Variants in CYTH3 observed in about 807,000 individuals in gnomAD.
The protein encoded by CYTH3 is cytohesin 3, also known as cytohesin-3.
A neutral mutation model predicts 55.1 loss-of-function variants in CYTH3; 23 were observed. That is an observed-to-expected ratio of 0.42 (90% confidence interval 0.30 to 0.59). The LOEUF is 0.59. Ranked by LOEUF, CYTH3 falls within the 20% of genes least tolerant of loss-of-function variation. The pLI is 0.20. For missense variants in CYTH3, 413 were observed against 524.8 expected (o/e 0.79, Z 2.08); for synonymous variants, 249 against 194.9 (o/e 1.28, Z -2.31).
chr7:6,189,434 G>A (rs1266849913), intron 2 of CYTH3, among the ~76,000 whole-genome samples: 3 of 151,990 alleles, frequency 2.0e-5, no homozygotes, highest in East Asian at 1.9e-4. Context: ...TCAGCCTCCC[G>A]AGTATCTGGG....
intron 4 of CYTH3, among the ~76,000 whole-genome samples, chr7:6,179,263 G>A (rs1057405206): frequency 6.6e-6 from 1 of 152,088 alleles, no homozygotes; most frequent in Non-Finnish European, 1.5e-5. Flanking sequence ...AAGACGACAC[G>A]GAAGAGTATT....
intron 1 of CYTH3, among the ~76,000 whole-genome samples, chr7:6,203,028 CA>C (rs1407020350): frequency 6.6e-6 from 1 of 151,730 alleles, no homozygotes; most frequent in East Asian, 1.9e-4. Flanking sequence ...AAAAAATAGG[CA>C]AAAAAACTTT....
intron 4 of CYTH3, among the ~76,000 whole-genome samples, chr7:6,180,439 C>T (rs556936333): frequency 1.3e-5 from 2 of 152,182 alleles, no homozygotes; most frequent in Non-Finnish European, 2.9e-5. Flanking sequence ...GAGAAGGCCA[C>T]AAGACAATGG....
At chr7:6,231,360 G>C (rs1002315789) in intron 1 of CYTH3, among the ~76,000 whole-genome samples, 17 of 152,228 alleles carry the variant, frequency 1.1e-4, no homozygotes, top group African/African-American at 3.9e-4. Context: ...AAAGGAAACA[G>C]AGTGAGCACG....
At chr7:6,203,464 C>A (rs1025801546) in intron 1 of CYTH3, among the ~76,000 whole-genome samples, 3 of 152,062 alleles carry the variant, frequency 2.0e-5, no homozygotes, top group Non-Finnish European at 4.4e-5. Context: ...TAGTCATTGC[C>A]ACAGATTATT....
chr7:6,222,121 T>C (rs1197949289), intron 1 of CYTH3, among the ~76,000 whole-genome samples: 1 of 151,618 alleles, frequency 6.6e-6, no homozygotes, highest in Admixed American at 6.6e-5. Flanking sequence ...CAGAGCAGAG[T>C]ATGTGGCAAA....
intron 5 of CYTH3, among the ~76,000 whole-genome samples, chr7:6,174,957 G>C (rs1020041674): frequency 7.9e-5 from 12 of 152,108 alleles, no homozygotes; most frequent in Non-Finnish European, 1.2e-4. Context: ...GTTTATAACT[G>C]AGTAATTTTT....
At position 6,240,103 on chromosome 7, in the gene CYTH3, C is replaced by T. The variant is rs182548019; in HGVS notation, c.34+32371G>A. ...GGTGGATCGCGTGAGGTCAGGAGTTCGAGACCAGCCTGGCCAACACAGTGA... is the reference window on the plus strand; with the variant it reads ...GGTGGATCGCGTGAGGTCAGGAGTTTGAGACCAGCCTGGCCAACACAGTGA... On this transcript the variant is annotated intron_variant, in intron 1 of 12. Transcript: ENST00000350796. 7.2e-5 allele frequency among the ~76,000 whole-genome samples: 11 copies of T among 151,994 alleles called. No homozygotes were observed. In the East Asian group the frequency reaches 1.7e-3, roughly 24 times the overall value.
At chr7:6,173,520 G>A (rs551096496) in intron 6 of CYTH3, 133 bp downstream of exon 6, 10 of 695,496 alleles carry the variant, frequency 1.4e-5, no homozygotes, top group South Asian at 1.2e-4. Flanking sequence ...TGGATCATCC[G>A]GAAAAGGAGC....
chr7:6,266,895 G>A (rs55921413), intron 1 of CYTH3, among the ~76,000 whole-genome samples: 2,726 of 152,276 alleles, frequency 0.018, 64 homozygotes, highest in African/African-American at 0.045. Flanking sequence ...ACCACTGTTA[G>A]GCACTGATAC....
intron 1 of CYTH3, among the ~76,000 whole-genome samples, chr7:6,238,876 G>C (rs1779597365): frequency 6.6e-6 from 1 of 151,174 alleles, no homozygotes; most frequent in Non-Finnish European, 1.5e-5. Context: ...TATTTAAAAG[G>C]GGAAAAGATT....
chr7:6,190,645 A>G (rs1783779079), intron 1 of CYTH3, 114 bp from the exon 2 acceptor site: 2 of 774,982 alleles, frequency 2.6e-6, no homozygotes, highest in Admixed American at 3.4e-5. Flanking sequence ...TATTTATCCT[A>G]AAGAAATGCT....
intron 1 of CYTH3, among the ~76,000 whole-genome samples, chr7:6,227,271 T>C (rs949514155): frequency 6.6e-6 from 1 of 151,888 alleles, no homozygotes; most frequent in Non-Finnish European, 1.5e-5. Flanking sequence ...GAAAAACACA[T>C]GCAGAAGATG....
chr7:6,233,675 A>AT (rs1562401931), intron 1 of CYTH3, among the ~76,000 whole-genome samples: 2 of 150,904 alleles, frequency 1.3e-5, no homozygotes, highest in African/African-American at 4.9e-5. Flanking sequence ...AAAAAAAAAA[A>AT]TTCAGTAAAT....
intron 4 of CYTH3, among the ~76,000 whole-genome samples, chr7:6,183,507 C>G (rs1472288683): frequency 1.3e-5 from 2 of 152,222 alleles, no homozygotes; most frequent in African/African-American, 2.4e-5. Context: ...TCAAGTACTA[C>G]TTCTAGAAAT....
Position 6,176,630 on chromosome 7 carries a change from T to C in CYTH3, c.368+1193A>G, listed in dbSNP as rs1025724889. On this transcript the variant is annotated intron_variant, in intron 5 of 12. Transcript: ENST00000350796. ...ATGTATTACTTCTAATAGTTTTTAATGATTCCTTAGGATATTCTATATATA... is the reference window on the plus strand; with the variant it reads ...ATGTATTACTTCTAATAGTTTTTAACGATTCCTTAGGATATTCTATATATA... Among the ~76,000 whole-genome samples the C allele has an allele frequency of 2.6e-5, 4 of 152,234 alleles. No homozygotes were observed. The East Asian group carries it at 5.8e-4, about 22-fold the overall frequency.
At chr7:6,265,633 A>AAG (rs1562421559) in intron 1 of CYTH3, among the ~76,000 whole-genome samples, 6 of 149,540 alleles carry the variant, frequency 4.0e-5, no homozygotes, top group Non-Finnish European at 7.4e-5. Context: ...AAAAAAAAAA[A>AAG]AAGAAGAAGA....
chr7:6,170,873 C>T lies in CYTH3; in HGVS notation c.668G>A (p.Arg223His), dbSNP rs1293661319. Residue 223 changes from arginine to histidine, a missense_variant, in exon 8 of 13, where the codon CGC (arginine) becomes CAC (histidine). Physicochemically the swap from Arg to His is conservative, Grantham distance 29 (BLOSUM62 0). Around this residue, in one of 4 missense-constraint regions of CYTH3, gnomAD observed 156 missense variants for 233.1 expected, o/e 0.67. Coordinates refer to ENST00000350796, the MANE Select transcript of CYTH3 (RefSeq NM_004227.4). The surrounding 1 kb of genome is among the most constrained non-coding windows in gnomAD (Gnocchi z 7.8). Reference protein sequence around the residue: ...PTAERFIAMNRGINEGGDLPE... With the variant: ...PTAERFIAMNHGINEGGDLPE... ...GAGGTCCCCGCCCTCGTTGATGCCG[C>T]GGTTCATGGCGATGAACCGTTCTGC... 5 of 1,613,542 alleles carry T rather than the reference C, an allele frequency of 3.1e-6. No individual in the cohort carries two copies. Among genetic ancestry groups the T allele is most frequent in the South Asian group, 2.2e-5 (2 of 91,034 alleles).
At chr7:6,211,969 G>C (rs535891938) in intron 1 of CYTH3, among the ~76,000 whole-genome samples, 1 of 152,318 alleles carries the variant, frequency 6.6e-6, no homozygotes, top group Non-Finnish European at 1.5e-5. Flanking sequence ...CTGGGCGACA[G>C]AGTGAGACGC....
Sources: gnomAD v4.1 joint callset for allele counts (sites outside exome capture counted in the v4.1 genomes callset) on GRCh38, gnomAD v4.1.1 for gene constraint, gnomAD v4.1.1 regional missense constraint, Gnocchi (gnomAD v3.1) non-coding constraint, MANE v1.5 for transcripts, NCBI Gene and HGNC (gene_info 2026-07-23, HGNC 2026-07-21) for gene names.